The following PPFIA3 variants were observed in gnomAD, a reference collection of about 807,000 sequenced individuals.
PPFIA3 encodes the protein liprin-alpha-3.
Under a neutral mutation model 145.8 loss-of-function variants are expected in PPFIA3, and 26 were observed. That is an observed-to-expected ratio of 0.18 (90% CI 0.13 to 0.25). The LOEUF is 0.25. Ranked by LOEUF, PPFIA3 falls within the 10% of genes least tolerant of loss-of-function variation. The pLI is 1.00. For missense variants in PPFIA3, 1,008 were observed against 1,587.8 expected (o/e 0.63, Z 6.21); for synonymous variants, 645 against 661.4 (o/e 0.98, Z 0.38).
Position 49,129,741 on chromosome 19 carries a change from G to A in PPFIA3, c.583-252G>A, listed in dbSNP as rs151252363. ...AGGAAGTGATTGAATGGGGAAAAGCGGGGCTAAAGCGGAAACTTTGTCCAG... is the reference window on the plus strand; with the variant it reads ...AGGAAGTGATTGAATGGGGAAAAGCAGGGCTAAAGCGGAAACTTTGTCCAG... On this transcript the variant is annotated intron_variant, in intron 5 of 29. Transcript: ENST00000334186. 8.6e-3 allele frequency among the ~76,000 whole-genome samples: 1,306 copies of A among 152,276 alleles called. 8 individuals carry two copies. Among genetic ancestry groups the A allele is most frequent in the Middle Eastern group, 0.024 (7 of 294 alleles).
At chr19:49,131,943 G>C (rs1009581962) in intron 7 of PPFIA3, among the ~76,000 whole-genome samples, 2 of 149,480 alleles carry the variant, frequency 1.3e-5, no homozygotes, top group African/African-American at 2.5e-5. Context: ...CCGGGAGGCA[G>C]AGCTTGCAGT....
Position 49,128,344 on chromosome 19 carries a change from A to G in PPFIA3, c.241-23A>G, listed in dbSNP as rs761702756. On this transcript the variant is annotated intron_variant, in intron 2 of 29. Transcript: ENST00000334186. This position sits in a 1 kb window ranked among gnomAD's most constrained non-coding sequence, Gnocchi z 4.1. ...AGGGAAAGGATTGAGCCGAATGTCC[A>G]GATCCTGCCAATGTCTGGACAGGAG... The G allele has an allele frequency of 1.1e-5, 18 of 1,612,184 alleles. No homozygotes were observed. The East Asian group carries it at 3.6e-4, about 32-fold the overall frequency.
intron 19 of PPFIA3, 122 bp downstream of exon 19, chr19:49,141,635 T>C (rs187281997): frequency 1.3e-4 from 95 of 732,942 alleles, no homozygotes; most frequent in Non-Finnish European, 2.0e-4. Flanking sequence ...TGTGAGTGTG[T>C]GTGTGCAGCG....
chr19:49,128,896 C>G lies in PPFIA3; in HGVS notation c.391C>G (p.Leu131Val). The part of the protein sequence containing the change: ...ECLVSRHERS[L>V]RMTVVKRQAQ... Reference sequence around the variant, plus strand: ...CCTGGTGTCCAGGCACGAGAGGTCACTGCGCATGACCGTGGTGAAGCGCCA... The same window carrying G: ...CCTGGTGTCCAGGCACGAGAGGTCAGTGCGCATGACCGTGGTGAAGCGCCA... The change falls in exon 4 of 30, where the codon CTG (leucine) becomes GTG (valine). Residue 131 changes from leucine to valine, a missense_variant. By Grantham distance (32) the Leu-to-Val change is conservative. Around this residue, in one of 11 missense-constraint regions of PPFIA3, gnomAD observed 25 missense variants for 85.2 expected, o/e 0.29. Transcript: ENST00000334186. The surrounding 1 kb of genome is among the most constrained non-coding windows in gnomAD (Gnocchi z 4.1). The G allele has an allele frequency of 6.2e-7, 1 of 1,613,680 alleles. No individual in the cohort carries two copies. The highest frequency in any genetic ancestry group is 8.5e-7 in the Non-Finnish European group (1 of 1,179,770).
chr19:49,142,159 T>C (rs1460227556), intron 20 of PPFIA3, 44 bp downstream of exon 20: 33 of 1,515,208 alleles, frequency 2.2e-5, no homozygotes, highest in Non-Finnish European at 2.8e-5. Context: ...CCCCAACCCC[T>C]CTGACAGCCC....
At chr19:49,148,061 C>T (rs760782216) in intron 23 of PPFIA3, 22 bp from the exon 24 acceptor site, 46 of 1,601,174 alleles carry the variant, frequency 2.9e-5, no homozygotes, top group Non-Finnish European at 3.8e-5. Context: ...CTGACTCTTC[C>T]CTCACCTGCC....
chr19:49,147,558 G>C (rs148159505), intron 23 of PPFIA3, among the ~76,000 whole-genome samples: 3 of 151,746 alleles, frequency 2.0e-5, no homozygotes, highest in Non-Finnish European at 4.4e-5. Flanking sequence ...GTGGTGGCTC[G>C]TACCTGTAAT....
chr19:49,124,232 A>AT lies in PPFIA3; in HGVS notation c.-15-3620dup, dbSNP rs199661350. The stretch of plus-strand genomic sequence containing the variant: ...GGTTATGAGACTGGTTAATTTTTGT[A>AT]TTTTTTTGTAGAGACAGGGTTTCAC... On this transcript the variant is annotated intron_variant, in intron 1 of 29. Coordinates refer to ENST00000334186, the MANE Select transcript of PPFIA3 (RefSeq NM_003660.4). Among the ~76,000 whole-genome samples the AT allele has an allele frequency of 9.7e-3, 1,465 of 151,594 alleles. 17 individuals are homozygous for AT. The highest frequency in any genetic ancestry group is 0.033 in the African/African-American group (1,365 of 41,320).
Position 49,128,148 on chromosome 19 carries a change from G to A in PPFIA3, c.240+35G>A. 1 of 1,473,856 alleles carries A rather than the reference G, an allele frequency of 6.8e-7. No homozygotes were observed. The highest frequency in any genetic ancestry group is 9.0e-7 in the Non-Finnish European group (1 of 1,113,534). The allele number at this position is 1,473,856 out of a possible 1,614,324, so 91.3% of individuals were successfully genotyped here. On this transcript the variant is annotated intron_variant, in intron 2 of 29. Transcript: ENST00000334186. This position sits in a 1 kb window ranked among gnomAD's most constrained non-coding sequence, Gnocchi z 4.1. ...GGACAGGGGCGGGGCATGAGGGGGCGGGGCCTCGGGGGGAAGAAGGCGGTC... is the reference window on the plus strand; with the variant it reads ...GGACAGGGGCGGGGCATGAGGGGGCAGGGCCTCGGGGGGAAGAAGGCGGTC...
Position 49,138,400 on chromosome 19 carries a change from C to A in PPFIA3, c.2049C>A (p.Ser683Arg). 1.3e-6 allele frequency: 2 copies of A among 1,569,098 alleles called. No individual in the cohort carries two copies. Among genetic ancestry groups the A allele is most frequent in the Non-Finnish European group, 1.7e-6 (2 of 1,155,666 alleles). Residue 683 changes from serine to arginine, a missense_variant, in exon 16 of 30, where the codon AGC (serine) becomes AGA (arginine). Around this residue, in one of 11 missense-constraint regions of PPFIA3, gnomAD observed 202 missense variants for 241.8 expected, o/e 0.84. Transcript: ENST00000334186. ...CAACACCCCGCCTGGCACCCCCTAG[C>A]CCTGCCCGTGAGGGCACCGACAAGG... is the stretch of plus-strand genomic sequence containing the variant. ...GHSTPRLAPP[S>R]PAREGTDKAN...
intron 11 of PPFIA3, among the ~76,000 whole-genome samples, chr19:49,134,434 C>T (rs1203234802): frequency 6.6e-6 from 1 of 152,184 alleles, no homozygotes; most frequent in Admixed American, 6.5e-5. Flanking sequence ...AACCCTGAAC[C>T]CTCTGAGATT....
chr19:49,128,332 A>T lies in PPFIA3; in HGVS notation c.241-35A>T. On this transcript the variant is annotated intron_variant, in intron 2 of 29. Coordinates refer to ENST00000334186, the MANE Select transcript of PPFIA3 (RefSeq NM_003660.4). This position sits in a 1 kb window ranked among gnomAD's most constrained non-coding sequence, Gnocchi z 4.1. ...AATGAAGGAGACAGGGAAAGGATTG[A>T]GCCGAATGTCCAGATCCTGCCAATG... 1.9e-6 allele frequency: 3 copies of T among 1,606,476 alleles called. No individual in the cohort carries two copies. The highest frequency in any genetic ancestry group is 2.6e-6 in the Non-Finnish European group (3 of 1,173,184).
At position 49,149,542 on chromosome 19, in the gene PPFIA3, C is replaced by T; in HGVS notation, c.3355-5C>T. ...CCTCACCGGCTGTCCGGCTCCTATA[C>T]CTAGGACAGCGCCAAGTCTTTCAGC... On this transcript the variant is annotated splice_polypyrimidine_tract_variant and splice_region_variant and intron_variant, in intron 27 of 29. Transcript: ENST00000334186. The surrounding 1 kb of genome is among the most constrained non-coding windows in gnomAD (Gnocchi z 5.7). 6.2e-7 allele frequency: 1 copy of T among 1,614,120 alleles called. No homozygotes were observed. The highest frequency in any genetic ancestry group is 8.5e-7 in the Non-Finnish European group (1 of 1,180,012).
At chr19:49,137,628 C>CAAAAAAAAAAAAAAAAAAAAAAAA (rs3032695) in intron 15 of PPFIA3, among the ~76,000 whole-genome samples, 25 of 43,782 alleles carry the variant, frequency 5.7e-4, no homozygotes, top group East Asian at 1.9e-3. Flanking sequence ...GACTCCGTGT[C>CAAAAAAAAAAAAAAAAAAAAAAAA]AAAAAAAAAA....
rs112924499 is a variant in PPFIA3 at position 49,144,305 on chromosome 19, G to A, written c.2745+1301G>A. On this transcript the variant is annotated intron_variant, in intron 21 of 29. Transcript: ENST00000334186. ...ATTACAGGCGTGAGCCACCGTGCCC[G>A]GCCTACAATATTTTAAATAGCTTTG... Among the ~76,000 whole-genome samples the A allele has an allele frequency of 9.2e-5, 14 of 152,206 alleles. 1 individual carries two copies. The East Asian group carries it at 2.1e-3, about 23-fold the overall frequency.
chr19:49,135,359 C>T (rs2041125819), intron 13 of PPFIA3, among the ~76,000 whole-genome samples: 1 of 150,870 alleles, frequency 6.6e-6, no homozygotes, highest in Admixed American at 6.6e-5. Context: ...GTTTTTTACC[C>T]TGACTTTATT....
chr19:49,129,072 C>G (rs1020359772), intron 4 of PPFIA3, 60 bp downstream of exon 4: 8 of 1,494,984 alleles, frequency 5.4e-6, no homozygotes, highest in Non-Finnish European at 7.2e-6. Context: ...TGGGGCTGTT[C>G]TGAGTGGGAG....
At chr19:49,140,772 A>G (rs2041212272) in intron 18 of PPFIA3, among the ~76,000 whole-genome samples, 1 of 143,584 alleles carries the variant, frequency 7.0e-6, no homozygotes. Flanking sequence ...CTCCTGCCTC[A>G]GCCTCCCCAG....
rs145880133 is a variant in PPFIA3, at chr19:49,125,798, G to A, written c.-15-2061G>A. Reference sequence around the variant, plus strand: ...GGGGGCTGGAGGCGCAGGCTCCTGGGGTCTGAGAGACGAAAGGGACTGGGT... The same window carrying A: ...GGGGGCTGGAGGCGCAGGCTCCTGGAGTCTGAGAGACGAAAGGGACTGGGT... On this transcript the variant is annotated intron_variant, in intron 1 of 29. Transcript: ENST00000334186. Among the ~76,000 whole-genome samples the A allele has an allele frequency of 8.3e-4, 127 of 152,230 alleles. 2 individuals carry two copies. The East Asian group carries it at 0.023, about 28-fold the overall frequency.
Sources: allele counts gnomAD v4.1 joint callset (sites outside exome capture counted in the v4.1 genomes callset), GRCh38; gene constraint gnomAD v4.1.1; regional missense constraint gnomAD v4.1.1; non-coding constraint Gnocchi (gnomAD v3.1); transcripts MANE v1.5; gene names NCBI Gene and HGNC (gene_info 2026-07-23, HGNC 2026-07-21).